The following CPEB3 variants were observed in gnomAD, a reference collection of about 807,000 sequenced individuals.
CPEB3 encodes the protein cytoplasmic polyadenylation element-binding protein 3.
Under a neutral mutation model 67.2 loss-of-function variants are expected in CPEB3, and 20 were observed. The observed-to-expected ratio is 0.30, with a 90% CI of 0.21 to 0.43. The LOEUF (loss-of-function observed/expected upper bound fraction) is 0.43, where lower values mean the gene tolerates loss of function less well. CPEB3 is among the 20% of genes least tolerant of loss of function. The pLI, the probability that CPEB3 is intolerant of heterozygous loss-of-function variation, is 1.00. For synonymous variants in CPEB3, 376 were observed against 393.1 expected (o/e 0.96, Z 0.51); for missense variants, 746 against 968.6 (o/e 0.77, Z 3.05).
intron 6 of CPEB3, among the ~76,000 whole-genome samples, chr10:92,122,400 T>C (rs1378966915): frequency 1.3e-5 from 2 of 152,082 alleles, no homozygotes; most frequent in Non-Finnish European, 2.9e-5. Context: ...GTGGTAAGAG[T>C]TGAAGCAGCT....
intron 9 of CPEB3, among the ~76,000 whole-genome samples, chr10:92,069,700 A>G (rs1842682936): frequency 6.6e-6 from 1 of 152,096 alleles, no homozygotes; most frequent in Non-Finnish European, 1.5e-5. Context: ...CCACTGTGCC[A>G]GCTACAATGT....
intron 7 of CPEB3, among the ~76,000 whole-genome samples, chr10:92,103,028 A>C (rs962750181): frequency 2.0e-5 from 3 of 152,182 alleles, no homozygotes; most frequent in African/African-American, 2.4e-5. Context: ...TGTGTAAACA[A>C]ATGTTTTCCT....
At chr10:92,130,627 G>A (rs1222984022) in intron 6 of CPEB3, among the ~76,000 whole-genome samples, 3 of 149,882 alleles carry the variant, frequency 2.0e-5, no homozygotes, top group African/African-American at 7.4e-5. Context: ...CATGTATCTG[G>A]CCACCTGGCC....
At chr10:92,277,030 T>G (rs775689925) in intron 1 of CPEB3, among the ~76,000 whole-genome samples, 1 of 152,172 alleles carries the variant, frequency 6.6e-6, no homozygotes, top group African/African-American at 2.4e-5. Flanking sequence ...TTTATATTAT[T>G]GAGTTGAAGA....
intron 2 of CPEB3, among the ~76,000 whole-genome samples, chr10:92,215,003 A>G (rs1392003575): frequency 1.3e-5 from 2 of 151,314 alleles, no homozygotes; most frequent in African/African-American, 2.4e-5. Context: ...ATATGCCACC[A>G]TATCTGGCTA....
At chr10:92,133,283 A>C (rs1332900266) in intron 6 of CPEB3, among the ~76,000 whole-genome samples, 1 of 152,170 alleles carries the variant, frequency 6.6e-6, no homozygotes, top group East Asian at 1.9e-4. Context: ...AAGACTAATA[A>C]AGAAGAAAAG....
chr10:92,264,888 C>T (rs11186882), intron 1 of CPEB3, among the ~76,000 whole-genome samples: 6,528 of 151,968 alleles, frequency 0.043, 210 homozygotes, highest in Non-Finnish European at 0.061. Flanking sequence ...AATTTAAGGT[C>T]GGGCATGTGG....
chr10:92,094,019 T>G (rs1430887187), intron 7 of CPEB3, among the ~76,000 whole-genome samples: 4 of 151,896 alleles, frequency 2.6e-5, no homozygotes, highest in Non-Finnish European at 5.9e-5. Context: ...CACACCTGGG[T>G]AATTTTTGTA....
At position 92,192,538 on chromosome 10, in the gene CPEB3, G is replaced by A. The variant is rs1292092618; in HGVS notation, c.1104C>T (p.His368=). 1 of 1,613,990 alleles carries A rather than the reference G, an allele frequency of 6.2e-7. No homozygotes were observed. Among genetic ancestry groups the A allele is most frequent in the East Asian group, 2.2e-5 (1 of 44,862 alleles). ...TCATTGGTGGGCCACTGGGAGGGTAGTGTTTACCTTTCAGAGGTTCATGAT... is the reference window on the plus strand; with the variant it reads ...TCATTGGTGGGCCACTGGGAGGGTAATGTTTACCTTTCAGAGGTTCATGAT... ...RTDHEPLKGK[H]YPPSGPPMSF... Residue 368 remains histidine (H), a synonymous_variant, in exon 3 of 10, where the codon CAC becomes CAT. Transcript: ENST00000265997.
intron 9 of CPEB3, chr10:92,076,382 T>C (rs1028190029): frequency 6.6e-6 from 1 of 152,148 alleles, no homozygotes; most frequent in African/African-American, 2.4e-5. Context: ...CACTACATAA[T>C]CATCACATAA....
rs1470553211 is a variant in CPEB3 at position 92,240,237 on chromosome 10, C to G, written c.114G>C (p.Thr38=). 2.0e-6 allele frequency: 3 copies of G among 1,508,786 alleles called. No homozygotes were observed. The highest frequency in any genetic ancestry group is 1.4e-5 in the African/African-American group (1 of 71,674). The allele number at this position is 1,508,786 out of a possible 1,614,324, so 93.5% of individuals were successfully genotyped here. A position where few individuals can be genotyped will look rare whatever the true frequency, so the allele number is the denominator to read the frequency against. ...PESSVSEAPS[T]PLSSETPKPE... is the part of the protein sequence containing the mutation. ...GCTTGGGGGTCTCTGAGGAGAGGGG[C>G]GTGGACGGGGCTTCGGATACGCTGG... The change falls in exon 2 of 10, where the codon ACG becomes ACC. Residue 38 remains threonine, a synonymous_variant. Coordinates refer to ENST00000265997, the MANE Select transcript of CPEB3 (RefSeq NM_014912.5).
intron 1 of CPEB3, among the ~76,000 whole-genome samples, chr10:92,244,162 C>T (rs1209310928): frequency 1.3e-5 from 2 of 151,916 alleles, no homozygotes; most frequent in Non-Finnish European, 2.9e-5. Context: ...GCCTGGCCCA[C>T]ATGGTGAAAC....
chr10:92,089,637 G>A (rs1329067361), intron 8 of CPEB3, among the ~76,000 whole-genome samples: 1 of 152,026 alleles, frequency 6.6e-6, no homozygotes, highest in East Asian at 1.9e-4. Context: ...ATACAAAACA[G>A]CCAGGCATGG....
intron 1 of CPEB3, among the ~76,000 whole-genome samples, chr10:92,268,022 C>T (rs1853137953): frequency 6.6e-6 from 1 of 152,090 alleles, no homozygotes; most frequent in East Asian, 1.9e-4. Context: ...TTCACCACGT[C>T]GGCCAGGATG....
chr10:92,134,013 T>C (rs1459589850), intron 6 of CPEB3, among the ~76,000 whole-genome samples: 1 of 152,170 alleles, frequency 6.6e-6, no homozygotes, highest in South Asian at 2.1e-4. Flanking sequence ...TGATGGAACA[T>C]ATCTCAAAAT....
At chr10:92,251,903 T>C (rs1254754976) in intron 1 of CPEB3, among the ~76,000 whole-genome samples, 1 of 149,048 alleles carries the variant, frequency 6.7e-6, no homozygotes, top group African/African-American at 2.5e-5. Context: ...ATCACGCCAC[T>C]GCACTCCAGC....
intron 1 of CPEB3, among the ~76,000 whole-genome samples, chr10:92,264,215 C>T (rs1852938465): frequency 6.6e-6 from 1 of 151,868 alleles, no homozygotes; most frequent in Non-Finnish European, 1.5e-5. Context: ...GCAATCCCAA[C>T]TACTTGGGAG....
chr10:92,086,150 A>C (rs1465617467), intron 8 of CPEB3, among the ~76,000 whole-genome samples: 1 of 152,244 alleles, frequency 6.6e-6, no homozygotes, highest in African/African-American at 2.4e-5. Context: ...CTAAACTGCG[A>C]ATCTATAATC....
At chr10:92,156,827 T>C (rs1387770583) in intron 4 of CPEB3, among the ~76,000 whole-genome samples, 1 of 152,220 alleles carries the variant, frequency 6.6e-6, no homozygotes, top group African/African-American at 2.4e-5. Flanking sequence ...TGATCCACTG[T>C]ACATATATAT....
Sources: allele counts gnomAD v4.1 joint callset (sites outside exome capture counted in the v4.1 genomes callset), GRCh38; gene constraint gnomAD v4.1.1; transcripts MANE v1.5; gene names NCBI Gene and HGNC (gene_info 2026-07-23, HGNC 2026-07-21).